GMPR: variants seen among roughly 807,000 people sequenced by gnomAD.
GMPR encodes the protein GMP reductase 1.
A neutral mutation model predicts 38.4 loss-of-function variants in GMPR; 31 were observed. That is an observed-to-expected ratio of 0.81 (90% confidence interval 0.61 to 1.09). The LOEUF (loss-of-function observed/expected upper bound fraction) is 1.09, where lower values mean the gene tolerates loss of function less well. Among genes scored for constraint, GMPR ranks in the 50% least tolerant of loss-of-function variants. The pLI is 0.00. For missense variants in GMPR, 468 were observed against 453.7 expected (o/e 1.03, Z -0.29); for synonymous variants, 162 against 173.3 (o/e 0.93, Z 0.51).
Position 16,276,409 on chromosome 6 carries a change from G to C in GMPR, c.547+1913G>C, listed in dbSNP as rs983866128. Among the ~76,000 whole-genome samples the C allele has an allele frequency of 2.0e-5, 3 of 152,280 alleles. No homozygotes were observed. The South Asian group carries it at 6.2e-4, about 32-fold the overall frequency. On this transcript the variant is annotated intron_variant, in intron 5 of 8. Coordinates refer to ENST00000259727, the MANE Select transcript of GMPR (RefSeq NM_006877.4). ...TGGTCTCGAACTCCTGGCCTCAGGT[G>C]ATCCACCCGCCTTGGCCTCCCAACG... is the stretch of plus-strand genomic sequence containing the variant.
chr6:16,282,809 T>C (rs1226564607), intron 6 of GMPR, among the ~76,000 whole-genome samples: 11 of 152,214 alleles, frequency 7.2e-5, no homozygotes, highest in Non-Finnish European at 1.0e-4. Context: ...AAGTATTTTT[T>C]TTTTCTTTTT....
intron 7 of GMPR, among the ~76,000 whole-genome samples, chr6:16,288,016 G>A (rs1472592239): frequency 6.6e-6 from 1 of 152,138 alleles, no homozygotes; most frequent in African/African-American, 2.4e-5. Context: ...ATACATCTGC[G>A]CCCTGCTACT....
chr6:16,267,841 A>G (rs974398911), intron 4 of GMPR, among the ~76,000 whole-genome samples: 5 of 152,180 alleles, frequency 3.3e-5, no homozygotes, highest in Non-Finnish European at 7.4e-5. Context: ...CCCTGGGGCA[A>G]TGCCGTGTCA....
In GMPR at chr6:16,287,484, C is replaced by T. The variant is rs556878262; in HGVS notation, c.697+1649C>T. Among the ~76,000 whole-genome samples the T allele has an allele frequency of 7.2e-5, 11 of 152,300 alleles. No homozygotes were observed. In the East Asian group the frequency reaches 7.7e-4, roughly 11 times the overall value. On this transcript the variant is annotated intron_variant, in intron 7 of 8. Coordinates refer to ENST00000259727, the MANE Select transcript of GMPR (RefSeq NM_006877.4). ...CTCCTCCACTGTCTCTCAGTCAGTG[C>T]GGCCGTACCTGTGCCGAGACTCAGT...
chr6:16,285,681 C>T (rs1759665425), intron 6 of GMPR, 112 bp from the exon 7 acceptor site: 2 of 827,242 alleles, frequency 2.4e-6, no homozygotes, highest in East Asian at 2.6e-5. Flanking sequence ...CGTGGGCTTG[C>T]TGGGGGCTGT....
At chr6:16,263,572 G>A (rs538222141) in intron 4 of GMPR, among the ~76,000 whole-genome samples, 13 of 151,588 alleles carry the variant, frequency 8.6e-5, no homozygotes, top group Admixed American at 6.0e-4. Context: ...GGGTTGGGGC[G>A]TGGAAATAAG....
intron 7 of GMPR, chr6:16,290,180 C>T (rs1225712889): frequency 4.7e-5 from 15 of 322,496 alleles, no homozygotes; most frequent in African/African-American, 8.3e-5. Flanking sequence ...GGAAGGTGGT[C>T]GTAGTTAGCC....
intron 7 of GMPR, among the ~76,000 whole-genome samples, chr6:16,287,339 C>G (rs186998227): frequency 1.3e-5 from 2 of 152,350 alleles, no homozygotes; most frequent in African/African-American, 4.8e-5. Flanking sequence ...CACACATGCT[C>G]TCTGTACAGA....
chr6:16,262,901 A>T (rs1759114492), intron 4 of GMPR: 1 of 152,032 alleles, frequency 6.6e-6, no homozygotes, highest in Admixed American at 6.6e-5. Flanking sequence ...TTTTAAGAGT[A>T]AATTGCTGGG....
chr6:16,245,063 C>T (rs992251139), intron 1 of GMPR, among the ~76,000 whole-genome samples: 2 of 152,160 alleles, frequency 1.3e-5, no homozygotes, highest in South Asian at 4.1e-4. Context: ...TTGATTGTTT[C>T]AAGCCTGCCA....
intron 4 of GMPR, among the ~76,000 whole-genome samples, chr6:16,268,378 G>C (rs756982887): frequency 6.6e-6 from 1 of 152,244 alleles, no homozygotes; most frequent in South Asian, 2.1e-4. Context: ...GTGGTGGCAC[G>C]ATCTTGGCTA....
intron 7 of GMPR, chr6:16,289,654 C>G (rs1316210303): frequency 7.3e-6 from 1 of 136,284 alleles, no homozygotes; most frequent in African/African-American, 3.1e-5. Context: ...TTCCATAACA[C>G]GGGGACTTCT....
In GMPR at chr6:16,278,802, G is replaced by A. The variant is rs368612045; in HGVS notation, c.566G>A (p.Arg189His). ...GVGPGSVCTTRTKTGVGYPQL... is the reference protein window; with the variant it reads ...GVGPGSVCTTHTKTGVGYPQL... ...TGTGCAGGTTCTGTGTGCACCACCCGCACCAAGACGGGAGTGGGGTACCCC... is the reference window on the plus strand; with the variant it reads ...TGTGCAGGTTCTGTGTGCACCACCCACACCAAGACGGGAGTGGGGTACCCC... The change falls in exon 6 of 9, where the codon CGC becomes CAC. Residue 189 changes from arginine (R) to histidine (H), a missense_variant. Coordinates refer to ENST00000259727, the MANE Select transcript of GMPR (RefSeq NM_006877.4). The A allele has an allele frequency of 2.1e-5, 34 of 1,613,600 alleles. No individual in the cohort carries two copies. Among genetic ancestry groups the A allele is most frequent in the East Asian group, 1.6e-4 (7 of 44,888 alleles).
intron 4 of GMPR, among the ~76,000 whole-genome samples, chr6:16,266,639 A>AAAGT (rs1021735572): frequency 2.0e-5 from 3 of 151,584 alleles, no homozygotes; most frequent in African/African-American, 7.3e-5. Context: ...CATCTCTACT[A>AAAGT]AAAGTACAAA....
At chr6:16,244,458 T>C (rs1758718338) in intron 1 of GMPR, among the ~76,000 whole-genome samples, 1 of 152,084 alleles carries the variant, frequency 6.6e-6, no homozygotes, top group Non-Finnish European at 1.5e-5. Flanking sequence ...GCAATCTGCC[T>C]GCCTCAGCCT....
At chr6:16,293,420 G>A (rs1759876083) in intron 8 of GMPR, among the ~76,000 whole-genome samples, 1 of 152,232 alleles carries the variant, frequency 6.6e-6, no homozygotes, top group Admixed American at 6.5e-5. Flanking sequence ...GCCAATGACT[G>A]GCTTCCTGAG....
chr6:16,244,004 G>C (rs902736140), intron 1 of GMPR, among the ~76,000 whole-genome samples: 1 of 152,138 alleles, frequency 6.6e-6, no homozygotes, highest in Non-Finnish European at 1.5e-5. Context: ...GCACACATAA[G>C]GATTTGGGTG....
intron 5 of GMPR, among the ~76,000 whole-genome samples, chr6:16,278,356 A>C (rs1759515261): frequency 6.6e-6 from 1 of 152,168 alleles, no homozygotes; most frequent in Non-Finnish European, 1.5e-5. Context: ...CATTTGACAA[A>C]GGTTGAAGGT....
chr6:16,281,810 C>T (rs767351691), intron 6 of GMPR, among the ~76,000 whole-genome samples: 6 of 152,140 alleles, frequency 3.9e-5, no homozygotes, highest in East Asian at 3.9e-4. Flanking sequence ...GCCCGGCCTC[C>T]GAGTTTCCTT....
Sources: gnomAD v4.1 joint callset for allele counts (sites outside exome capture counted in the v4.1 genomes callset) on GRCh38, gnomAD v4.1.1 for gene constraint, MANE v1.5 for transcripts, NCBI Gene and HGNC (gene_info 2026-07-23, HGNC 2026-07-21) for gene names.